PRIM2: variants seen among roughly 807,000 people sequenced by gnomAD.
PRIM2 encodes the protein DNA primase subunit 2.
PRIM2 carries 39 observed loss-of-function variants against 67.3 expected under a neutral mutation model. The observed-to-expected ratio is 0.58, with a 90% CI of 0.45 to 0.76. The LOEUF is 0.76. PRIM2 is among the 30% of genes least tolerant of loss of function. The pLI is 0.00. For synonymous variants in PRIM2, 143 were observed against 198.7 expected (o/e 0.72, Z 2.36); for missense variants, 398 against 598.7 (o/e 0.66, Z 3.50).
rs1188802914 is a variant in PRIM2 at position 57,600,423 on chromosome 6, A to G, written c.1021-670A>G. Among the ~76,000 whole-genome samples, 4 of 151,978 alleles carry G rather than the reference A, an allele frequency of 2.6e-5. No homozygotes were observed. The East Asian group carries it at 5.8e-4, about 22-fold the overall frequency. ...GCCCAGGCTGAAGTACAGTGGCACA[A>G]TCATGGCTCACTGCAGCCTCAACCC... On this transcript the variant is annotated intron_variant, in intron 10 of 13. Coordinates refer to ENST00000615550, the MANE Select transcript of PRIM2 (RefSeq NM_000947.5).
chr6:57,244,034 C>T, the PRIM2 span, among the ~76,000 whole-genome samples: 1 of 152,176 alleles, frequency 6.6e-6, no homozygotes, highest in Non-Finnish European at 1.5e-5. Context: ...GTCACATATT[C>T]TGTTCTCAGA....
At chr6:57,521,430 T>C (rs1774622107) in intron 8 of PRIM2, among the ~76,000 whole-genome samples, 1 of 130,782 alleles carries the variant, frequency 7.6e-6, no homozygotes, top group East Asian at 2.6e-4. Flanking sequence ...TTGCAAAAAA[T>C]AGATATATGG....
chr6:57,548,928 A>T (rs1396499697), intron 10 of PRIM2, among the ~76,000 whole-genome samples: 1 of 152,080 alleles, frequency 6.6e-6, no homozygotes, highest in Non-Finnish European at 1.5e-5. Context: ...TAACTAATAA[A>T]AAAAAAAAAG....
intron 10 of PRIM2, among the ~76,000 whole-genome samples, chr6:57,540,222 GTGTC>G (rs1458295789): frequency 1.1e-4 from 17 of 152,182 alleles, no homozygotes; most frequent in African/African-American, 2.6e-4. Flanking sequence ...ATGGAACTGT[GTGTC>G]TGTCTGTCTT....
At chr6:57,416,585 A>G (rs1324094125) in intron 7 of PRIM2, among the ~76,000 whole-genome samples, 1 of 152,204 alleles carries the variant, frequency 6.6e-6, no homozygotes, top group African/African-American at 2.4e-5. Flanking sequence ...TGAAAGTCCT[A>G]TATGGCATCT....
At chr6:57,584,598 A>C (rs1776156487) in intron 10 of PRIM2, among the ~76,000 whole-genome samples, 1 of 152,156 alleles carries the variant, frequency 6.6e-6, no homozygotes, top group African/African-American at 2.4e-5. Flanking sequence ...CCATGACTTC[A>C]GGGGAAGAGA....
chr6:57,615,926 T>C (rs1776748998), intron 12 of PRIM2, among the ~76,000 whole-genome samples: 1 of 152,138 alleles, frequency 6.6e-6, no homozygotes, highest in African/African-American at 2.4e-5. Flanking sequence ...ATAAAGTTTA[T>C]AGGAAAATTG....
At chr6:57,488,709 G>C (rs1469167401) in intron 7 of PRIM2, among the ~76,000 whole-genome samples, 1 of 152,150 alleles carries the variant, frequency 6.6e-6, no homozygotes, top group African/African-American at 2.4e-5. Flanking sequence ...AGAGATACAC[G>C]ACTCACACAG....
At chr6:57,504,267 T>A (rs2127458679) in intron 7 of PRIM2, among the ~76,000 whole-genome samples, 1 of 152,358 alleles carries the variant, frequency 6.6e-6, no homozygotes, top group East Asian at 1.9e-4. Flanking sequence ...ATATATTGTG[T>A]AGTGGTGAAG....
At chr6:57,570,353 C>T (rs1775839850) in intron 10 of PRIM2, among the ~76,000 whole-genome samples, 2 of 152,148 alleles carry the variant, frequency 1.3e-5, no homozygotes, top group Admixed American at 6.6e-5. Context: ...AGGAAATGAG[C>T]TTTATCATTT....
At chr6:57,538,424 T>C (rs1411194030) in intron 10 of PRIM2, among the ~76,000 whole-genome samples, 1 of 152,206 alleles carries the variant, frequency 6.6e-6, no homozygotes, top group African/African-American at 2.4e-5. Context: ...TCCTATGCCT[T>C]GTTTCTCTTT....
intron 7 of PRIM2, among the ~76,000 whole-genome samples, chr6:57,384,244 C>T (rs1444332857): frequency 6.6e-6 from 1 of 152,122 alleles, no homozygotes; most frequent in African/African-American, 2.4e-5. Flanking sequence ...GGCCATGCTT[C>T]CTCTGAAGGT....
At chr6:57,374,303 A>ATTTATTTATTTTTTTT (rs1554331462) in intron 5 of PRIM2, among the ~76,000 whole-genome samples, 42 of 139,856 alleles carry the variant, frequency 3.0e-4, no homozygotes, top group South Asian at 1.6e-3. Context: ...TTATTTATTT[A>ATTTATTTATTTTTTTT]TTTTTTTTGA....
At chr6:57,328,143 C>T (rs1039216090) in intron 5 of PRIM2, among the ~76,000 whole-genome samples, 34 of 152,082 alleles carry the variant, frequency 2.2e-4, no homozygotes, top group Non-Finnish European at 4.0e-4. Flanking sequence ...AGTTGGAGAC[C>T]CCAGTTGTAG....
chr6:57,441,450 A>T (rs12211077), intron 7 of PRIM2, among the ~76,000 whole-genome samples: 1 of 152,212 alleles, frequency 6.6e-6, no homozygotes, highest in South Asian at 2.1e-4. Flanking sequence ...GGCAATAGCA[A>T]GTGATAGTAT....
Position 57,537,832 on chromosome 6 carries a change from A to G in PRIM2, c.1020+207A>G, listed in dbSNP as rs1409007756. Among the ~76,000 whole-genome samples the G allele has an allele frequency of 6.6e-5, 10 of 152,312 alleles. No homozygotes were observed. In the South Asian group the frequency reaches 1.0e-3, roughly 16 times the overall value. Reference sequence around the variant, plus strand: ...TTGGGGAAGGAATGTTTTCATTTGTAGGTATACTGCCAGTAGTAATTATAA... The same window carrying G: ...TTGGGGAAGGAATGTTTTCATTTGTGGGTATACTGCCAGTAGTAATTATAA... On this transcript the variant is annotated intron_variant, in intron 10 of 13. Transcript: ENST00000615550.
At chr6:57,455,604 G>A (rs1383243518) in intron 7 of PRIM2, among the ~76,000 whole-genome samples, 1 of 152,148 alleles carries the variant, frequency 6.6e-6, no homozygotes, top group East Asian at 1.9e-4. Context: ...GACTAGGACT[G>A]CAACCCCTGC....
chr6:57,621,946 T>C (rs1776864352), intron 12 of PRIM2, among the ~76,000 whole-genome samples: 1 of 152,120 alleles, frequency 6.6e-6, no homozygotes, highest in Admixed American at 6.6e-5. Flanking sequence ...GTTGACAGTT[T>C]TTTTTTTCTT....
At position 57,318,366 on chromosome 6, in the gene PRIM2, C is replaced by G. The variant is rs779902243; in HGVS notation, c.-9-71C>G. 3.1e-5 allele frequency: 43 copies of G among 1,394,696 alleles called. 1 individual carries two copies. Among genetic ancestry groups the G allele is most frequent in the Non-Finnish European group, 4.0e-5 (41 of 1,034,444 alleles). 86.4% of individuals were successfully genotyped at this position (1,394,696 alleles called of 1,614,324 possible). On this transcript the variant is annotated intron_variant, in intron 1 of 13. Transcript: ENST00000615550. ...TTCTGTGTTTGTGGAATTATTTTTT[C>G]GTGTTTTTTCTTTTTTTTCCCCCAA...
Sources: gnomAD v4.1 joint callset for allele counts (sites outside exome capture counted in the v4.1 genomes callset) on GRCh38, gnomAD v4.1.1 for gene constraint, MANE v1.5 for transcripts, NCBI Gene and HGNC (gene_info 2026-07-23, HGNC 2026-07-21) for gene names.